The following QTMAN variants were observed in gnomAD, a reference collection of about 807,000 sequenced individuals.
The protein encoded by QTMAN is queuosine-tRNA mannosyltransferase.
At chr2:144,154,752 C>T in the QTMAN span, among the ~76,000 whole-genome samples, 1 of 152,228 alleles carries the variant, frequency 6.6e-6, no homozygotes, top group East Asian at 1.9e-4. Context: ...GTATATATTC[C>T]TTGATAAGAT....
chr2:144,084,155 C>A, the QTMAN span, among the ~76,000 whole-genome samples: 1 of 152,166 alleles, frequency 6.6e-6, no homozygotes, highest in Admixed American at 6.5e-5. Flanking sequence ...CCATGTGCCA[C>A]GAGGACCAGT....
chr2:144,270,666 C>T, the QTMAN span, among the ~76,000 whole-genome samples: 2 of 97,322 alleles, frequency 2.1e-5, no homozygotes, highest in Admixed American at 2.3e-4. Flanking sequence ...GGTGGGGGGG[C>T]AAGGGGAGGG....
chr2:144,043,346 G>T, the QTMAN span, among the ~76,000 whole-genome samples: 1 of 151,930 alleles, frequency 6.6e-6, no homozygotes, highest in African/African-American at 2.4e-5. Context: ...CTTTAAAAAT[G>T]TAGCTTAGGC....
the QTMAN span, among the ~76,000 whole-genome samples, chr2:144,001,864 G>C: frequency 6.6e-6 from 1 of 151,852 alleles, no homozygotes; most frequent in South Asian, 2.1e-4. Flanking sequence ...TTTAGTCTAT[G>C]AGAACTACAA....
chr2:144,287,640 C>A, the QTMAN span, among the ~76,000 whole-genome samples: 1 of 152,050 alleles, frequency 6.6e-6, no homozygotes, highest in Non-Finnish European at 1.5e-5. Context: ...TCCTACTAAA[C>A]CTAGATCTAT....
chr2:144,182,853 TTATATATAATA>T, the QTMAN span, among the ~76,000 whole-genome samples: 1 of 47,306 alleles, frequency 2.1e-5, no homozygotes, highest in African/African-American at 7.7e-5. Context: ...TATATATATT[TTATATATAATA>T]TATATATATT....
chr2:144,228,835 G>A, the QTMAN span, among the ~76,000 whole-genome samples: 1 of 152,172 alleles, frequency 6.6e-6, no homozygotes. Flanking sequence ...GCATGTGCCT[G>A]TAATCCCAGC....
the QTMAN span, among the ~76,000 whole-genome samples, chr2:144,133,350 ATG>A: frequency 5.2e-5 from 2 of 38,584 alleles, no homozygotes; most frequent in Admixed American, 4.2e-4. Flanking sequence ...TATATTATAT[ATG>A]TATATATATA....
chr2:143,988,324 A>T, the QTMAN span, among the ~76,000 whole-genome samples: 3 of 152,352 alleles, frequency 2.0e-5, no homozygotes, highest in Admixed American at 6.5e-5. Context: ...ATGGGAACTT[A>T]CAAGAAGACA....
the QTMAN span, among the ~76,000 whole-genome samples, chr2:144,160,880 CA>C: frequency 6.6e-6 from 1 of 152,120 alleles, no homozygotes; most frequent in South Asian, 2.1e-4. Flanking sequence ...TTGAGTAAAG[CA>C]GGAATAGATG....
At chr2:144,059,059 T>A in the QTMAN span, among the ~76,000 whole-genome samples, 9 of 152,214 alleles carry the variant, frequency 5.9e-5, 1 homozygote, top group Non-Finnish European at 7.3e-5. Flanking sequence ...TCCTACAGGA[T>A]AACATTTGCC....
At chr2:143,942,557 G>A in the QTMAN span, 1 of 167,050 alleles carries the variant, frequency 6.0e-6, no homozygotes, top group African/African-American at 2.4e-5. Context: ...GAGAAAGACT[G>A]GGCTCATTTA....
chr2:144,182,886 T>TTA, the QTMAN span, among the ~76,000 whole-genome samples: 249 of 77,068 alleles, frequency 3.2e-3, 3 homozygotes, highest in African/African-American at 0.011. Context: ...TATATATATT[T>TTA]TATATATATA....
the QTMAN span, among the ~76,000 whole-genome samples, chr2:144,207,297 T>C: frequency 1.3e-5 from 2 of 152,224 alleles, no homozygotes; most frequent in African/African-American, 4.8e-5. Context: ...TCTGACACTA[T>C]GCATTCTCAG....
chr2:144,203,150 A>AGTGTGTGTGTGT, the QTMAN span, among the ~76,000 whole-genome samples: 32 of 145,642 alleles, frequency 2.2e-4, no homozygotes, highest in East Asian at 3.5e-3. Flanking sequence ...TACAATGAAG[A>AGTGTGTGTGTGT]GTGTGTGTGT....
the QTMAN span, among the ~76,000 whole-genome samples, chr2:144,049,198 T>C: frequency 6.6e-6 from 1 of 152,182 alleles, no homozygotes; most frequent in East Asian, 1.9e-4. Flanking sequence ...GTGTTGATAA[T>C]TACTGTTTAT....
the QTMAN span, among the ~76,000 whole-genome samples, chr2:144,104,656 G>A: frequency 6.6e-6 from 1 of 152,232 alleles, no homozygotes; most frequent in Non-Finnish European, 1.5e-5. Flanking sequence ...AGGCCTGCCT[G>A]CCTCTGTAGA....
the QTMAN span, among the ~76,000 whole-genome samples, chr2:144,108,128 A>G: frequency 6.6e-6 from 1 of 152,224 alleles, no homozygotes; most frequent in Non-Finnish European, 1.5e-5. Context: ...GCTATTTATG[A>G]CAAACCCACA....
chr2:144,322,870 T>G, the QTMAN span, among the ~76,000 whole-genome samples: 1 of 152,200 alleles, frequency 6.6e-6, no homozygotes, highest in African/African-American at 2.4e-5. Context: ...TTACAAATCT[T>G]GACACAATTC....
Sources: allele counts gnomAD v4.1 joint callset (sites outside exome capture counted in the v4.1 genomes callset), GRCh38; gene constraint gnomAD v4.1.1; transcripts MANE v1.5; gene names NCBI Gene and HGNC (gene_info 2026-07-23, HGNC 2026-07-21).